The following PRPS1 variants were observed in gnomAD, a reference collection of about 807,000 sequenced individuals.
PRPS1 encodes the protein ribose-phosphate pyrophosphokinase 1.
In PRPS1, 1 loss-of-function variant was observed where a neutral mutation model predicts 16.9. That is an observed-to-expected ratio of 0.06 (90% CI 0.02 to 0.28). The LOEUF (loss-of-function observed/expected upper bound fraction) is 0.28. PRPS1 is among the 10% of genes least tolerant of loss of function. PRPS1 has a pLI of 1.00. For missense variants in PRPS1, 47 were observed against 254.0 expected (o/e 0.19, Z 5.54); for synonymous variants, 70 against 90.2 (o/e 0.78, Z 1.27).
At chrX:107,641,721 G>A (rs1188502290) in intron 3 of PRPS1, among the ~76,000 whole-genome samples, 2 of 112,064 alleles carry the variant, frequency 1.8e-5, no homozygotes, top group Non-Finnish European at 3.8e-5. Flanking sequence ...CCCAAAGTAA[G>A]GGGGGTGGAA....
intron 5 of PRPS1, among the ~76,000 whole-genome samples, chrX:107,647,201 T>C (rs1290765129): frequency 8.9e-6 from 1 of 112,649 alleles, no homozygotes; most frequent in Admixed American, 9.3e-5. Context: ...AAGAAGAGAA[T>C]GCTGGAGAAC....
rs1925556013 is a variant in PRPS1 at position 107,640,781 on chromosome X, A to C, written c.307-121A>C. 6 of 754,972 alleles carry C rather than the reference A, an allele frequency of 7.9e-6. No individual in the cohort carries two copies. The Admixed American group carries it at 1.4e-4, about 18-fold the overall frequency. 62.2% of individuals were successfully genotyped at this position (754,972 alleles called of 1,213,427 possible). On this transcript the variant is annotated intron_variant, in intron 2 of 6. Transcript: ENST00000372435. ...GTCAATGGACATGTCTCCTTCTATG[A>C]ATTTCTGGGTACCATAGTGCCTTTA... is the stretch of plus-strand genomic sequence containing the variant.
chrX:107,649,268 G>A lies in PRPS1; in HGVS notation c.865-672G>A, dbSNP rs182122119. 4.3e-3 allele frequency among the ~76,000 whole-genome samples: 479 copies of A among 110,870 alleles called. 2 individuals are homozygous for A. Among genetic ancestry groups the A allele is most frequent in the African/African-American group, 0.015 (466 of 30,517 alleles). On this transcript the variant is annotated intron_variant, in intron 6 of 6. Coordinates refer to ENST00000372435, the MANE Select transcript of PRPS1 (RefSeq NM_002764.4). Reference sequence around the variant, plus strand: ...ACGCCTGGCTAATTTTTGTTTTATTGTAGAGACAGAGTTTCACCATATTGC... The same window carrying A: ...ACGCCTGGCTAATTTTTGTTTTATTATAGAGACAGAGTTTCACCATATTGC...
intron 4 of PRPS1, among the ~76,000 whole-genome samples, chrX:107,643,168 C>A (rs1925616472): frequency 1.8e-5 from 2 of 112,374 alleles, no homozygotes; most frequent in South Asian, 7.2e-4. Flanking sequence ...TCAGAACTTT[C>A]TAAAAGCCAT....
chrX:107,648,345 A>G (rs1452872622), intron 6 of PRPS1, among the ~76,000 whole-genome samples: 4 of 112,073 alleles, frequency 3.6e-5, no homozygotes, highest in African/African-American at 1.3e-4. Context: ...CTAAAAGAAC[A>G]AGGCCTTGCT....
rs537971156 is a variant in PRPS1 at position 107,633,787 on chromosome X, C to T, written c.122+5037C>T. 2.3e-4 allele frequency among the ~76,000 whole-genome samples: 25 copies of T among 110,132 alleles called. 1 individual carries two copies. The South Asian group carries it at 8.2e-3, about 36-fold the overall frequency. On this transcript the variant is annotated intron_variant, in intron 1 of 6. Transcript: ENST00000372435. The stretch of plus-strand genomic sequence containing the variant: ...ACTAAAAATACAAAAATTAGCCAGG[C>T]GTGGTGGCACACACCTGTAGTCCCA...
At chrX:107,642,621 T>G (rs1352965810) in intron 4 of PRPS1, 131 bp downstream of exon 4, 1 of 832,864 alleles carries the variant, frequency 1.2e-6, no homozygotes, top group Non-Finnish European at 1.8e-6. Flanking sequence ...AGCTAGCACA[T>G]GGGTTGAATA....
chrX:107,650,886 T>G lies in PRPS1; in HGVS notation c.*854T>G. On this transcript the variant is annotated 3_prime_UTR_variant, in exon 7 of 7. Transcript: ENST00000372435. ...GGTTTTAGGTGGTATCGTAGTGCCT[T>G]TTGATTAATTTAAGTATTTAATTTT... 2 of 282,597 alleles carry G rather than the reference T, an allele frequency of 7.1e-6. No individual in the cohort carries two copies. Among genetic ancestry groups the G allele is most frequent in the Non-Finnish European group, 1.2e-5 (2 of 161,176 alleles). 23.3% of individuals were successfully genotyped at this position (282,597 alleles called of 1,213,427 possible).
intron 4 of PRPS1, among the ~76,000 whole-genome samples, chrX:107,643,637 C>G (rs1367518707): frequency 9.0e-6 from 1 of 111,452 alleles, no homozygotes. Flanking sequence ...GTTCTCTCCT[C>G]AAAAGGTGTA....
chrX:107,646,989 T>C (rs1925711118), intron 5 of PRPS1, among the ~76,000 whole-genome samples: 1 of 112,722 alleles, frequency 8.9e-6, no homozygotes, highest in Admixed American at 9.4e-5. Flanking sequence ...GCCAGAGTCC[T>C]TTGACACTAA....
At chrX:107,637,929 A>AAT (rs796383314) in intron 1 of PRPS1, among the ~76,000 whole-genome samples, 3,098 of 100,998 alleles carry the variant, frequency 0.031, 58 homozygotes, top group Middle Eastern at 0.06. Flanking sequence ...GTGTAATATA[A>AAT]ATATATATAT....
chrX:107,634,601 G>A (rs1218048626), intron 1 of PRPS1, among the ~76,000 whole-genome samples: 2 of 110,126 alleles, frequency 1.8e-5, no homozygotes, highest in African/African-American at 3.3e-5. Context: ...ATATGCAATC[G>A]ATTATGTGGT....
intron 1 of PRPS1, among the ~76,000 whole-genome samples, chrX:107,637,112 T>C (rs1280007905): frequency 2.7e-5 from 3 of 112,617 alleles, no homozygotes; most frequent in Non-Finnish European, 5.6e-5. Flanking sequence ...TTTAAAAATT[T>C]TTAAATTATT....
At chrX:107,642,198 T>C (rs749781777) in intron 3 of PRPS1, among the ~76,000 whole-genome samples, 168 bp from the exon 4 acceptor site, 29 of 112,305 alleles carry the variant, frequency 2.6e-4, no homozygotes, top group Admixed American at 6.6e-4. Context: ...CTCTCTCACA[T>C]AGCCCAGATT....
At position 107,642,380 on chromosome X, in the gene PRPS1, C is replaced by T. The variant is rs373971736; in HGVS notation, c.420C>T (p.Ile140=). The T allele has an allele frequency of 5.0e-6, 6 of 1,210,066 alleles. No homozygotes were observed. Among genetic ancestry groups the T allele is most frequent in the Non-Finnish European group, 6.7e-6 (6 of 895,167 alleles). ...HASQIQGFFD[I]PVDNLYAEPA... is the part of the protein sequence containing the mutation. ...TCTTTCTACAGGGCTTTTTTGATAT[C>T]CCAGTAGACAATTTGTATGCAGAGC... The change falls in exon 4 of 7, where the codon ATC becomes ATT. Residue 140 remains isoleucine (I), a synonymous_variant. Transcript: ENST00000372435.
chrX:107,642,851 G>C (rs924448649), intron 4 of PRPS1, among the ~76,000 whole-genome samples: 1 of 111,924 alleles, frequency 8.9e-6, no homozygotes, highest in Non-Finnish European at 1.9e-5. Context: ...GGACAAATTC[G>C]CTTTTACACT....
intron 6 of PRPS1, among the ~76,000 whole-genome samples, chrX:107,648,106 T>A (rs1925744378): frequency 1.8e-5 from 2 of 111,960 alleles, no homozygotes; most frequent in South Asian, 7.4e-4. Flanking sequence ...TTACAGTATG[T>A]GTTTGTCTGT....
chrX:107,648,813 G>A (rs1228345767), intron 6 of PRPS1, among the ~76,000 whole-genome samples: 1 of 110,710 alleles, frequency 9.0e-6, no homozygotes, highest in African/African-American at 3.3e-5. Context: ...AGGCTGGAGT[G>A]CAATGGCACG....
Position 107,649,999 on chromosome X carries a change from C to A in PRPS1, c.924C>A (p.Ser308=), listed in dbSNP as rs757207081. Residue 308 remains serine, a synonymous_variant, in exon 7 of 7, where the codon TCC becomes TCA. Transcript: ENST00000372435. ...EAIRRTHNGE[S]VSYLFSHVPL The stretch of plus-strand genomic sequence containing the variant: ...TCAGGAGAACTCACAATGGAGAATC[C>A]GTTTCTTACCTATTCAGCCATGTCC... The A allele has an allele frequency of 2.5e-6, 3 of 1,211,759 alleles. No homozygotes were observed. The South Asian group carries it at 5.3e-5, about 21-fold the overall frequency.
Sources: gnomAD v4.1 joint callset for allele counts (sites outside exome capture counted in the v4.1 genomes callset) on GRCh38, gnomAD v4.1.1 for gene constraint, MANE v1.5 for transcripts, NCBI Gene and HGNC (gene_info 2026-07-23, HGNC 2026-07-21) for gene names.